Variants in RESF1 observed in about 807,000 individuals in gnomAD.
RESF1 encodes the protein gonad expressed transcript.
Under a neutral mutation model 134.7 loss-of-function variants are expected in RESF1, and 65 were observed. The ratio of observed to expected loss-of-function variants is 0.48; its 90% CI spans 0.40 to 0.59. The LOEUF (loss-of-function observed/expected upper bound fraction) is 0.59. RESF1 is among the 20% of genes least tolerant of loss of function. The probability of loss-of-function intolerance (pLI) is 0.00; values close to 1 mark genes in which losing one functional copy is unlikely to be tolerated. For missense variants in RESF1, 2,274 were observed against 2,002.7 expected, an observed-to-expected ratio of 1.14 and a Z score of -2.59; for synonymous variants, 762 against 702.2, an observed-to-expected ratio of 1.09 and a Z score of -1.35.
At chr12:31,970,999 C>T (rs1007278137) in intron 3 of RESF1, among the ~76,000 whole-genome samples, 2 of 152,206 alleles carry the variant, frequency 1.3e-5, no homozygotes, top group Non-Finnish European at 2.9e-5. Flanking sequence ...ATTATTTCTA[C>T]CTCAAGAACC....
chr12:31,975,324 A>T (rs182971181), intron 3 of RESF1, among the ~76,000 whole-genome samples: 3 of 152,298 alleles, frequency 2.0e-5, no homozygotes, highest in Admixed American at 2.0e-4. Flanking sequence ...TAAGAGCTTT[A>T]TAGGAACCTC....
chr12:31,983,824 G>C lies in RESF1; in HGVS notation c.2869G>C (p.Asp957His). The C allele has an allele frequency of 6.2e-7, 1 of 1,612,886 alleles. No individual in the cohort carries two copies. Among genetic ancestry groups the C allele is most frequent in the Non-Finnish European group, 8.5e-7 (1 of 1,179,910 alleles). ...TENKDFGFQK[D>H]KPVQCTDVSH... Reference sequence around the variant, plus strand: ...AAATAAAGACTTTGGTTTTCAAAAAGATAAACCTGTACAGTGCACAGATGT... The same window carrying C: ...AAATAAAGACTTTGGTTTTCAAAAACATAAACCTGTACAGTGCACAGATGT... Residue 957 changes from aspartate to histidine, a missense_variant, in exon 4 of 6, where the codon GAT (aspartate) becomes CAT (histidine). Asp to His is a moderately conservative substitution (Grantham distance 81). Transcript: ENST00000312561.
chr12:31,975,872 G>T (rs1939620791), intron 3 of RESF1, among the ~76,000 whole-genome samples: 1 of 151,982 alleles, frequency 6.6e-6, no homozygotes, highest in Non-Finnish European at 1.5e-5. Context: ...TCCAGTTTTT[G>T]CTTACTGCAC....
chr12:31,992,266 C>T (rs574868787), intron 5 of RESF1, 112 bp from the exon 6 acceptor site: 5 of 928,158 alleles, frequency 5.4e-6, no homozygotes, highest in South Asian at 3.3e-5. Context: ...TGCTTAACTC[C>T]TTGCCTTAAT....
At position 31,984,064 on chromosome 12, in the gene RESF1, G is replaced by A. The variant is rs376471653; in HGVS notation, c.3109G>A (p.Ala1037Thr). The A allele has an allele frequency of 3.1e-5, 50 of 1,613,946 alleles. No individual in the cohort carries two copies. The highest frequency in any genetic ancestry group is 8.8e-5 in the South Asian group (8 of 91,084). ...ASSNYTPQDP[A>T]RNEIHSDKAP... ...CAGCAACTATACTCCCCAAGATCCT[G>A]CAAGAAATGAAATCCACAGTGATAA... is the stretch of plus-strand genomic sequence containing the variant. Residue 1037 changes from alanine (A) to threonine (T), a missense_variant, in exon 4 of 6, where the codon GCA becomes ACA. Coordinates refer to ENST00000312561, the MANE Select transcript of RESF1 (RefSeq NM_018169.4).
intron 3 of RESF1, among the ~76,000 whole-genome samples, chr12:31,977,537 A>G (rs1013446315): frequency 6.6e-6 from 1 of 152,168 alleles, no homozygotes; most frequent in East Asian, 1.9e-4. Context: ...ATTTGTTTGT[A>G]TATGTCTCTT....
Position 31,982,367 on chromosome 12 carries a change from C to A in RESF1, c.1412C>A (p.Thr471Lys). ...MPENAERQTPTVVESAETNKT... is the reference protein window; with the variant it reads ...MPENAERQTPKVVESAETNKT... ...GAGAATGCAGAGAGACAAACACCAACAGTAGTGGAATCTGCAGAAACAAAT... is the reference window on the plus strand; with the variant it reads ...GAGAATGCAGAGAGACAAACACCAAAAGTAGTGGAATCTGCAGAAACAAAT... Residue 471 changes from threonine (T) to lysine (K), a missense_variant, in exon 4 of 6, where the codon ACA (threonine) becomes AAA (lysine). By Grantham distance (78) the Thr-to-Lys change is moderately conservative. Transcript: ENST00000312561. The A allele has an allele frequency of 1.9e-6, 3 of 1,614,040 alleles. No homozygotes were observed. Among genetic ancestry groups the A allele is most frequent in the Non-Finnish European group, 2.5e-6 (3 of 1,179,952 alleles).
chr12:31,963,050 G>C (rs186419386), intron 2 of RESF1, among the ~76,000 whole-genome samples: 3 of 146,034 alleles, frequency 2.1e-5, no homozygotes, highest in African/African-American at 8.4e-5. Flanking sequence ...TCGGGTGACA[G>C]AGTGAGACTC....
At chr12:31,990,680 C>T (rs1446655823) in intron 5 of RESF1, among the ~76,000 whole-genome samples, 1 of 152,116 alleles carries the variant, frequency 6.6e-6, no homozygotes, top group East Asian at 1.9e-4. Context: ...CCTCAGTGAT[C>T]CACCCACCTC....
rs1187494310 is a variant in RESF1 at position 31,973,466 on chromosome 12, T to C, written c.-79+3110T>C. Among the ~76,000 whole-genome samples the C allele has an allele frequency of 4.6e-5, 7 of 152,132 alleles. No homozygotes were observed. In the East Asian group the frequency reaches 1.3e-3, roughly 29 times the overall value. The stretch of plus-strand genomic sequence containing the variant: ...GGGACTGCATCCACACACTACCTTG[T>C]CTGGCTACACTTGGAGTTTCTTCTG... On this transcript the variant is annotated intron_variant, in intron 3 of 5. Coordinates refer to ENST00000312561, the MANE Select transcript of RESF1 (RefSeq NM_018169.4).
Position 31,984,843 on chromosome 12 carries a change from A to C in RESF1, c.3888A>C (p.Lys1296Asn). 1 of 1,602,136 alleles carries C rather than the reference A, an allele frequency of 6.2e-7. No individual in the cohort carries two copies. The highest frequency in any genetic ancestry group is 8.5e-7 in the Non-Finnish European group (1 of 1,177,224). The change falls in exon 4 of 6, where the codon AAA becomes AAC. Residue 1296 changes from lysine to asparagine, a missense_variant. By Grantham distance (94) the Lys-to-Asn change is moderately conservative. Coordinates refer to ENST00000312561, the MANE Select transcript of RESF1 (RefSeq NM_018169.4). ...CCTTGCAAAATCACAAAAGAAAAAAATTGAGGTTTCACGAGGTAACCTTTC... is the reference window on the plus strand; with the variant it reads ...CCTTGCAAAATCACAAAAGAAAAAACTTGAGGTTTCACGAGGTAACCTTTC... ...LNPLQNHKRKKLRFHEVTFHS... is the reference protein window; with the variant it reads ...LNPLQNHKRKNLRFHEVTFHS...
In RESF1 at chr12:31,982,277, C is replaced by G; in HGVS notation, c.1322C>G (p.Ser441Cys). 6.2e-7 allele frequency: 1 copy of G among 1,614,048 alleles called. No individual in the cohort carries two copies. Among genetic ancestry groups the G allele is most frequent in the Admixed American group, 1.7e-5 (1 of 60,016 alleles). ...TCTTATAGTGAACCAGCTCAGAATTCTAAATTGTCTCTAAAACAAACTGCC... is the reference window on the plus strand; with the variant it reads ...TCTTATAGTGAACCAGCTCAGAATTGTAAATTGTCTCTAAAACAAACTGCC... ...NTSYSEPAQN[S>C]KLSLKQTAKI... The change falls in exon 4 of 6, where the codon TCT becomes TGT. Residue 441 changes from serine (S) to cysteine (C), a missense_variant. Transcript: ENST00000312561.
intron 3 of RESF1, among the ~76,000 whole-genome samples, chr12:31,980,047 A>G (rs1939739855): frequency 6.6e-6 from 1 of 151,366 alleles, no homozygotes. Context: ...TACAGAGTTC[A>G]TTATGAATAA....
chr12:31,959,656 G>A (rs1939206947), intron 1 of RESF1, 165 bp downstream of exon 1: 1 of 151,108 alleles, frequency 6.6e-6, no homozygotes, highest in Non-Finnish European at 1.5e-5. Flanking sequence ...CCGGAACCCG[G>A]GCCTCGGGCC....
At chr12:31,962,570 A>C (rs1248245145) in intron 2 of RESF1, 1 of 152,232 alleles carries the variant, frequency 6.6e-6, no homozygotes, top group African/African-American at 2.4e-5. Flanking sequence ...TGAGATTGGA[A>C]CTATACATTT....
At chr12:31,970,758 G>A (rs192499396) in intron 3 of RESF1, among the ~76,000 whole-genome samples, 2 of 152,278 alleles carry the variant, frequency 1.3e-5, no homozygotes, top group African/African-American at 4.8e-5. Flanking sequence ...AAGTTTTCTT[G>A]CACTTAGACA....
intron 3 of RESF1, among the ~76,000 whole-genome samples, chr12:31,974,885 G>A (rs1330287242): frequency 6.6e-6 from 1 of 150,916 alleles, no homozygotes; most frequent in Non-Finnish European, 1.5e-5. Context: ...GAGTCCTAAC[G>A]CCTGAGAGTT....
Position 31,980,937 on chromosome 12 carries a change from C to A in RESF1, c.-19C>A. 6.4e-7 allele frequency: 1 copy of A among 1,560,306 alleles called. No individual in the cohort carries two copies. Among genetic ancestry groups the A allele is most frequent in the Non-Finnish European group, 8.7e-7 (1 of 1,148,508 alleles). ...CTTATAACTGACTTGTAATACACTG[C>A]TACTATATCAAACCGACAATGAATT... On this transcript the variant is annotated 5_prime_UTR_variant, in exon 4 of 6. Coordinates refer to ENST00000312561, the MANE Select transcript of RESF1 (RefSeq NM_018169.4).
Position 31,973,621 on chromosome 12 carries a change from G to A in RESF1, c.-79+3265G>A, listed in dbSNP as rs556333174. Among the ~76,000 whole-genome samples, 24 of 152,050 alleles carry A rather than the reference G, an allele frequency of 1.6e-4. No individual in the cohort carries two copies. The South Asian group carries it at 3.5e-3, about 22-fold the overall frequency. On this transcript the variant is annotated intron_variant, in intron 3 of 5. Coordinates refer to ENST00000312561, the MANE Select transcript of RESF1 (RefSeq NM_018169.4). ...CAAAAACTTCAATTTAGGTCGTTCC[G>A]GAGTGCTTTTCGAGTTTTCAGTTTT...
Sources: gnomAD v4.1 joint callset for allele counts (sites outside exome capture counted in the v4.1 genomes callset) on GRCh38, gnomAD v4.1.1 for gene constraint, MANE v1.5 for transcripts, NCBI Gene and HGNC (gene_info 2026-07-23, HGNC 2026-07-21) for gene names.